FBXO34: variants seen among roughly 807,000 people sequenced by gnomAD.
The protein encoded by FBXO34 is F-box protein 34.
Under a neutral mutation model 24.5 loss-of-function variants are expected in FBXO34, and 12 were observed. The observed-to-expected ratio is 0.49, with a 90% CI of 0.31 to 0.79. FBXO34 has a LOEUF of 0.79. Among genes scored for constraint, FBXO34 ranks in the 30% least tolerant of loss-of-function variants. The pLI is 0.04. For missense variants in FBXO34, 823 were observed against 857.7 expected (o/e 0.96, Z 0.51); for synonymous variants, 320 against 311.9 (o/e 1.03, Z -0.27).
the FBXO34 span, among the ~76,000 whole-genome samples, chr14:55,406,489 A>C: frequency 1.3e-5 from 2 of 152,236 alleles, no homozygotes; most frequent in Non-Finnish European, 2.9e-5. Flanking sequence ...AGAATATCTC[A>C]CAATCAACCT....
the FBXO34 span, among the ~76,000 whole-genome samples, chr14:55,406,196 C>T: frequency 6.6e-6 from 1 of 152,118 alleles, no homozygotes; most frequent in Non-Finnish European, 1.5e-5. Flanking sequence ...ACCACTAAAA[C>T]CTAGATATTC....
intron 1 of FBXO34, among the ~76,000 whole-genome samples, chr14:55,293,600 CTT>C (rs755217620): frequency 2.8e-5 from 4 of 144,938 alleles, no homozygotes; most frequent in African/African-American, 2.5e-5. Flanking sequence ...TAAATCTCTG[CTT>C]TTTTTTTTTT....
At chr14:55,410,583 T>A in the FBXO34 span, among the ~76,000 whole-genome samples, 2,334 of 152,306 alleles carry the variant, frequency 0.015, 29 homozygotes, top group Non-Finnish European at 0.022. Flanking sequence ...ACAGAAATAC[T>A]AAGAACTCAA....
At chr14:55,302,602 GT>G (rs1448514389) in intron 1 of FBXO34, among the ~76,000 whole-genome samples, 5 of 151,884 alleles carry the variant, frequency 3.3e-5, no homozygotes, top group African/African-American at 1.2e-4. Context: ...GTATTATCTT[GT>G]TCGGGGGCAG....
chr14:55,298,946 CA>C (rs1240966988), intron 1 of FBXO34: 2 of 1,583,400 alleles, frequency 1.3e-6, no homozygotes, highest in African/African-American at 2.7e-5. Flanking sequence ...GCTCTGCAGC[CA>C]AGGCCAAGAA....
At chr14:55,281,239 G>A (rs1401075775) in intron 1 of FBXO34, among the ~76,000 whole-genome samples, 1 of 131,580 alleles carries the variant, frequency 7.6e-6, no homozygotes, top group Non-Finnish European at 1.6e-5. Flanking sequence ...GGATGACAGA[G>A]TGAGACCCGA....
At chr14:55,378,033 C>A in the FBXO34 span, 1 of 1,612,886 alleles carries the variant, frequency 6.2e-7, no homozygotes, top group South Asian at 1.1e-5. Flanking sequence ...CTTCACTGCT[C>A]GAGTAAATTT....
At chr14:55,354,381 A>G (rs562833406), downstream of FBXO34, 13 of 152,384 alleles carry the variant, frequency 8.5e-5, no homozygotes, top group Middle Eastern at 3.4e-3. Context: ...AAGGAGATCA[A>G]CATAAAGGAC....
At position 55,351,848 on chromosome 14, in the gene FBXO34, A is replaced by G; in HGVS notation, c.1458A>G (p.Pro486=). ...TTCCAGGGATGTTGTTTTTTTTGCCACCTGGTCAGCACTTGTCAGACTATT... is the reference window on the plus strand; with the variant it reads ...TTCCAGGGATGTTGTTTTTTTTGCCGCCTGGTCAGCACTTGTCAGACTATT... ...DPVPGMLFFL[P]PGQHLSDYSQ... is the part of the protein sequence containing the mutation. The change falls in exon 2 of 2, where the codon CCA becomes CCG. Residue 486 remains proline, a synonymous_variant. Transcript: ENST00000313833. 7 of 1,614,054 alleles carry G rather than the reference A, an allele frequency of 4.3e-6. No homozygotes were observed. The highest frequency in any genetic ancestry group is 5.9e-6 in the Non-Finnish European group (7 of 1,179,990).
the FBXO34 span, chr14:55,436,650 T>C: frequency 6.2e-7 from 1 of 1,614,200 alleles, no homozygotes; most frequent in South Asian, 1.1e-5. Flanking sequence ...AGTCGGAGTT[T>C]GGTTTCTCAG....
chr14:55,368,047 G>A (rs1353646950), exon 3 of FBXO34: 2 of 152,540 alleles, frequency 1.3e-5, no homozygotes, highest in South Asian at 2.1e-4. Context: ...ATGCCTGTTA[G>A]GACTCTTTCA....
chr14:55,305,510 C>T (rs942451335), intron 1 of FBXO34, among the ~76,000 whole-genome samples: 29 of 151,476 alleles, frequency 1.9e-4, no homozygotes, highest in Non-Finnish European at 3.7e-4. Flanking sequence ...GCCTGGTCAA[C>T]ATGGTGAAAC....
At chr14:55,297,562 A>G (rs773770921) in intron 1 of FBXO34, among the ~76,000 whole-genome samples, 15 of 152,238 alleles carry the variant, frequency 9.9e-5, no homozygotes, top group Non-Finnish European at 2.2e-4. Flanking sequence ...AGCAAAAACG[A>G]TTATGTGATT....
chr14:55,411,521 G>A, the FBXO34 span: 25 of 1,373,402 alleles, frequency 1.8e-5, no homozygotes, highest in Non-Finnish European at 2.5e-5. Context: ...CCCGGACGGG[G>A]AGCCCCAGGT....
chr14:55,399,034 G>A, the FBXO34 span, among the ~76,000 whole-genome samples: 1 of 152,216 alleles, frequency 6.6e-6, no homozygotes, highest in East Asian at 1.9e-4. Flanking sequence ...GGCCATAACA[G>A]ACCTAAAAAT....
chr14:55,330,422 T>C (rs907512691), intron 1 of FBXO34, among the ~76,000 whole-genome samples: 6 of 152,124 alleles, frequency 3.9e-5, no homozygotes, highest in Admixed American at 6.5e-5. Context: ...ACTATATTCT[T>C]TTTGTGGGTT....
At chr14:55,385,185 T>A in the FBXO34 span, among the ~76,000 whole-genome samples, 1 of 152,176 alleles carries the variant, frequency 6.6e-6, no homozygotes, top group Non-Finnish European at 1.5e-5. Flanking sequence ...CATTTTTAAA[T>A]CCCCATTTAT....
At chr14:55,387,904 C>A in the FBXO34 span, among the ~76,000 whole-genome samples, 2 of 152,156 alleles carry the variant, frequency 1.3e-5, no homozygotes, top group African/African-American at 4.8e-5. Flanking sequence ...CAATGTGATC[C>A]GCCCGCCTCG....
the FBXO34 span, among the ~76,000 whole-genome samples, chr14:55,375,639 T>C: frequency 6.6e-6 from 1 of 152,080 alleles, no homozygotes; most frequent in African/African-American, 2.4e-5. Context: ...CCACCATGCC[T>C]GGTTTGAACT....
Sources: gnomAD v4.1 joint callset for allele counts (sites outside exome capture counted in the v4.1 genomes callset) on GRCh38, gnomAD v4.1.1 for gene constraint, MANE v1.5 for transcripts, NCBI Gene and HGNC (gene_info 2026-07-23, HGNC 2026-07-21) for gene names.